The following ZNF704 variants were observed in gnomAD, a reference collection of about 807,000 sequenced individuals.
ZNF704 encodes zinc finger protein 704, also known as glucocorticoid induced gene 1.
ZNF704 carries 10 observed loss-of-function variants against 44.7 expected under a neutral mutation model. The ratio of observed to expected loss-of-function variants is 0.22; its 90% confidence interval spans 0.14 to 0.38. The LOEUF is 0.38. Ranked by LOEUF, ZNF704 falls within the 10% of genes least tolerant of loss-of-function variation. The pLI is 1.00. For missense variants in ZNF704, 390 were observed against 545.5 expected, an observed-to-expected ratio of 0.71 and a Z score of 2.84; for synonymous variants, 211 against 207.6, an observed-to-expected ratio of 1.02 and a Z score of -0.14.
intron 2 of ZNF704, among the ~76,000 whole-genome samples, chr8:80,730,456 T>G (rs1446364262): frequency 2.0e-5 from 3 of 146,496 alleles, no homozygotes; most frequent in African/African-American, 7.6e-5. Flanking sequence ...GGAGAATCAC[T>G]TGAACCCAGG....
At chr8:80,732,165 AC>A (rs2131681818) in intron 2 of ZNF704, among the ~76,000 whole-genome samples, 1 of 152,202 alleles carries the variant, frequency 6.6e-6, no homozygotes, top group South Asian at 2.1e-4. Flanking sequence ...GACTGTTTCC[AC>A]CTTCATCTCT....
At position 80,663,950 on chromosome 8, in the gene ZNF704, C is replaced by T. The variant is rs185994365; in HGVS notation, c.927+865G>A. 5.9e-5 allele frequency among the ~76,000 whole-genome samples: 9 copies of T among 151,874 alleles called. No homozygotes were observed. In the East Asian group the frequency reaches 1.6e-3, roughly 26 times the overall value. ...CTCACCATGTTGCCCACGCTGGTCT[C>T]GAACTCCTGAGTTCAAGCAATCCAC... On this transcript the variant is annotated intron_variant, in intron 6 of 8. Transcript: ENST00000327835.
At chr8:80,871,447 C>T (rs1809250808) in intron 1 of ZNF704, among the ~76,000 whole-genome samples, 1 of 152,216 alleles carries the variant, frequency 6.6e-6, no homozygotes, top group African/African-American at 2.4e-5. Context: ...ATGTTCCCTC[C>T]TCAGAGAGAT....
At chr8:80,698,752 G>C (rs1232589910) in intron 2 of ZNF704, among the ~76,000 whole-genome samples, 1 of 152,230 alleles carries the variant, frequency 6.6e-6, no homozygotes, top group Non-Finnish European at 1.5e-5. Flanking sequence ...CGCAGCATCA[G>C]CAGAGGCAGC....
rs1050485794 is a variant in ZNF704 at position 80,639,357 on chromosome 8, T to C, written c.*2009A>G. ...CGCATCAGTGGTGCTGCATGGGGGG[T>C]GACAGGACACCAGGAGGAGAAAGGA... On this transcript the variant is annotated 3_prime_UTR_variant, in exon 9 of 9. Transcript: ENST00000327835. 4 of 151,936 alleles carry C rather than the reference T, an allele frequency of 2.6e-5. No homozygotes were observed. Among genetic ancestry groups the C allele is most frequent in the East Asian group, 1.9e-4 (1 of 5,172 alleles). 9.4% of individuals were successfully genotyped at this position (151,936 alleles called of 1,614,324 possible). A position where few individuals can be genotyped will look rare whatever the true frequency, so the allele number is the denominator to read the frequency against.
intron 1 of ZNF704, among the ~76,000 whole-genome samples, chr8:80,843,721 T>C (rs1298161504): frequency 1.3e-5 from 2 of 152,058 alleles, no homozygotes; most frequent in Non-Finnish European, 2.9e-5. Flanking sequence ...ATAAAGGAGG[T>C]TGTATGAAAG....
At chr8:80,752,238 T>C (rs1353210605) in intron 2 of ZNF704, among the ~76,000 whole-genome samples, 1 of 152,026 alleles carries the variant, frequency 6.6e-6, no homozygotes, top group African/African-American at 2.4e-5. Context: ...AATAAGCTTT[T>C]ACCATAAAAG....
intron 2 of ZNF704, among the ~76,000 whole-genome samples, chr8:80,762,216 C>A (rs1807143997): frequency 6.6e-6 from 1 of 152,154 alleles, no homozygotes; most frequent in Admixed American, 6.5e-5. Context: ...CAAATTGATA[C>A]TATGTGTGAA....
chr8:80,836,392 C>A (rs1017835585), intron 1 of ZNF704, among the ~76,000 whole-genome samples: 1 of 152,158 alleles, frequency 6.6e-6, no homozygotes, highest in Non-Finnish European at 1.5e-5. Context: ...AAATGTCTTT[C>A]TCAGTGAAGC....
chr8:80,664,745 TCATAGGCCAGATGGCCCCTG>T (rs2131609916), intron 6 of ZNF704, 50 bp downstream of exon 6: 2 of 1,586,058 alleles, frequency 1.3e-6, no homozygotes, highest in South Asian at 2.3e-5. Flanking sequence ...TGTCTTTTAC[TCATAGGCCAGATGGCCCCTG>T]GTTTTGGTCA....
In ZNF704 at chr8:80,821,486, T is replaced by C. The variant is rs1396325968; in HGVS notation, c.109A>G (p.Thr37Ala). The change falls in exon 2 of 9, where the codon ACC becomes GCC. Residue 37 changes from threonine (T) to alanine (A), a missense_variant. Coordinates refer to ENST00000327835, the MANE Select transcript of ZNF704 (RefSeq NM_001033723.3). ...TCAAGGATCCGGCTGGCTTTTTTGGTGTCTGCTGTTTTCACATCTTCCTCC... is the reference window on the plus strand; with the variant it reads ...TCAAGGATCCGGCTGGCTTTTTTGGCGTCTGCTGTTTTCACATCTTCCTCC... ...AMEEDVKTAD[T>A]KKASRILDHE... The C allele has an allele frequency of 6.2e-7, 1 of 1,614,158 alleles. No individual in the cohort carries two copies. The highest frequency in any genetic ancestry group is 8.5e-7 in the Non-Finnish European group (1 of 1,180,004).
chr8:80,667,764 A>G (rs1818218403), intron 5 of ZNF704, among the ~76,000 whole-genome samples: 1 of 152,110 alleles, frequency 6.6e-6, no homozygotes, highest in Non-Finnish European at 1.5e-5. Flanking sequence ...CTGAGGTTAG[A>G]CTTCCTAGGT....
Position 80,821,634 on chromosome 8 carries a change from A to G in ZNF704, c.-21-19T>C. ...TCCCCACCTGTGAAATGAAACACAGAAATTCTTACTCACATAAAACATCAC... is the reference window on the plus strand; with the variant it reads ...TCCCCACCTGTGAAATGAAACACAGGAATTCTTACTCACATAAAACATCAC... On this transcript the variant is annotated intron_variant, in intron 1 of 8. Coordinates refer to ENST00000327835, the MANE Select transcript of ZNF704 (RefSeq NM_001033723.3). 1 of 1,591,232 alleles carries G rather than the reference A, an allele frequency of 6.3e-7. No homozygotes were observed. Among genetic ancestry groups the G allele is most frequent in the Non-Finnish European group, 8.6e-7 (1 of 1,160,714 alleles).
At position 80,670,489 on chromosome 8, in the gene ZNF704, G is replaced by C. The variant is rs7002060; in HGVS notation, c.659+14C>G. The C allele has an allele frequency of 6.2e-7, 1 of 1,603,768 alleles. No homozygotes were observed. Among genetic ancestry groups the C allele is most frequent in the South Asian group, 1.1e-5 (1 of 90,872 alleles). ...CAGATGGGGGCTGCATCCCTGAAGA[G>C]AGAGCTGCCTTACCCCAGATGGATG... On this transcript the variant is annotated intron_variant, in intron 5 of 8. Transcript: ENST00000327835.
At chr8:80,704,918 C>T (rs1309039942) in intron 2 of ZNF704, among the ~76,000 whole-genome samples, 1 of 152,088 alleles carries the variant, frequency 6.6e-6, no homozygotes, top group Non-Finnish European at 1.5e-5. Context: ...GTCCTGGGAA[C>T]CCTGATTTAT....
intron 1 of ZNF704, among the ~76,000 whole-genome samples, chr8:80,828,981 A>T (rs1434486751): frequency 2.0e-5 from 3 of 152,196 alleles, no homozygotes; most frequent in Non-Finnish European, 4.4e-5. Flanking sequence ...TTCTCTTCCC[A>T]TAGTTTTCCT....
chr8:80,700,823 T>C (rs1157553685), intron 2 of ZNF704, among the ~76,000 whole-genome samples: 1 of 152,140 alleles, frequency 6.6e-6, no homozygotes, highest in African/African-American at 2.4e-5. Flanking sequence ...GAATACAGCA[T>C]GAGCACACAC....
At chr8:80,642,721 G>T (rs978437435) in intron 8 of ZNF704, among the ~76,000 whole-genome samples, 4 of 152,116 alleles carry the variant, frequency 2.6e-5, no homozygotes, top group African/African-American at 9.7e-5. Context: ...ATTAAAAATT[G>T]TATCTTATAG....
Position 80,632,434 on chromosome 8 carries a change from A to G in ZNF704, c.*8932T>C, listed in dbSNP as rs1817602321. 1 of 152,312 alleles carries G rather than the reference A, an allele frequency of 6.6e-6. No individual in the cohort carries two copies. Among genetic ancestry groups the G allele is most frequent in the African/African-American group, 2.4e-5 (1 of 41,560 alleles). 9.4% of individuals were successfully genotyped at this position (152,312 alleles called of 1,614,324 possible). ...TTGAACTACTGACCTCAAGTGATCC[A>G]TCTGCCTTGGACTCCCAAAGTGCTG... On this transcript the variant is annotated 3_prime_UTR_variant, in exon 9 of 9. Transcript: ENST00000327835.
Sources: gnomAD v4.1 joint callset for allele counts (sites outside exome capture counted in the v4.1 genomes callset) on GRCh38, gnomAD v4.1.1 for gene constraint, MANE v1.5 for transcripts, NCBI Gene and HGNC (gene_info 2026-07-23, HGNC 2026-07-21) for gene names.